UBXN4: variants seen among roughly 807,000 people sequenced by gnomAD.
UBXN4 encodes the protein UBX domain-containing protein 4.
A neutral mutation model predicts 66.2 loss-of-function variants in UBXN4; 35 were observed. That is an observed-to-expected ratio of 0.53 (90% CI 0.40 to 0.70). The LOEUF (loss-of-function observed/expected upper bound fraction) is 0.70. Ranked by LOEUF, UBXN4 falls within the 30% of genes least tolerant of loss-of-function variation. UBXN4 has a pLI of 0.00. For synonymous variants in UBXN4, 203 were observed against 204.5 expected (o/e 0.99, Z 0.06); for missense variants, 533 against 599.8 (o/e 0.89, Z 1.16).
At chr2:135,743,847 C>G (rs2077191943) in intron 1 of UBXN4, among the ~76,000 whole-genome samples, 1 of 128,522 alleles carries the variant, frequency 7.8e-6, no homozygotes, top group Non-Finnish European at 1.9e-5. Flanking sequence ...ATAGGTCTTG[C>G]CTTTCGGGGT....
intron 6 of UBXN4, among the ~76,000 whole-genome samples, chr2:135,768,081 A>G (rs2077358479): frequency 6.6e-6 from 1 of 152,250 alleles, no homozygotes. Context: ...ATTTAAAAAA[A>G]TGAAATATAA....
intron 1 of UBXN4, among the ~76,000 whole-genome samples, chr2:135,744,001 G>T (rs1367748406): frequency 6.6e-6 from 1 of 152,176 alleles, no homozygotes; most frequent in Admixed American, 6.5e-5. Flanking sequence ...CCCTTGACCT[G>T]TTCCAAAATC....
intron 6 of UBXN4, among the ~76,000 whole-genome samples, chr2:135,766,404 T>C (rs565487691): frequency 6.6e-6 from 1 of 152,228 alleles, no homozygotes; most frequent in Non-Finnish European, 1.5e-5. Flanking sequence ...ATTATCTAAT[T>C]TGTCCGTATT....
chr2:135,771,360 C>T (rs1370977849), intron 8 of UBXN4, among the ~76,000 whole-genome samples: 1 of 151,896 alleles, frequency 6.6e-6, no homozygotes, highest in Non-Finnish European at 1.5e-5. Context: ...GCCTATAATC[C>T]TGCTACTTGG....
chr2:135,748,401 T>A, intron 2 of UBXN4, 32 bp downstream of exon 2: 1 of 1,438,622 alleles, frequency 7.0e-7, no homozygotes, highest in Non-Finnish European at 9.3e-7. Flanking sequence ...TTATTAATTT[T>A]AAAATTTATA....
intron 6 of UBXN4, among the ~76,000 whole-genome samples, chr2:135,769,021 C>G (rs2105504118): frequency 6.6e-6 from 1 of 151,970 alleles, no homozygotes; most frequent in South Asian, 2.1e-4. Context: ...TTGTTTATTT[C>G]AGACAGGGTC....
intron 4 of UBXN4, 28 bp from the exon 5 acceptor site, chr2:135,755,489 A>T (rs1253062033): frequency 6.6e-7 from 1 of 1,506,304 alleles, no homozygotes; most frequent in African/African-American, 1.4e-5. Context: ...TTATCTATTA[A>T]TTAAAATCCA....
At chr2:135,743,218 A>C (rs564538446) in intron 1 of UBXN4, among the ~76,000 whole-genome samples, 1 of 152,194 alleles carries the variant, frequency 6.6e-6, no homozygotes, top group African/African-American at 2.4e-5. Context: ...GGAATTTATA[A>C]TTGTTTTGTT....
intron 1 of UBXN4, among the ~76,000 whole-genome samples, chr2:135,743,189 G>A (rs2077188102): frequency 6.6e-6 from 1 of 152,216 alleles, no homozygotes; most frequent in Admixed American, 6.5e-5. Flanking sequence ...AAATGTGAAT[G>A]TCATTTAGCA....
intron 2 of UBXN4, among the ~76,000 whole-genome samples, chr2:135,751,954 G>A (rs2077244876): frequency 6.6e-6 from 1 of 152,088 alleles, no homozygotes; most frequent in South Asian, 2.1e-4. Context: ...CTTCTCTGGA[G>A]GGAACCAAAT....
chr2:135,763,011 G>A (rs2077324572), intron 6 of UBXN4, among the ~76,000 whole-genome samples: 1 of 152,128 alleles, frequency 6.6e-6, no homozygotes, highest in Admixed American at 6.6e-5. Flanking sequence ...GTTTTTAATA[G>A]CCTCCATTCT....
chr2:135,775,931 C>T (rs1286170967), intron 9 of UBXN4, among the ~76,000 whole-genome samples: 1 of 152,142 alleles, frequency 6.6e-6, no homozygotes, highest in Non-Finnish European at 1.5e-5. Flanking sequence ...CCATGCCCAG[C>T]TAATTTTTGT....
chr2:135,772,272 A>G (rs967176403), intron 8 of UBXN4, 148 bp from the exon 9 acceptor site: 5 of 847,426 alleles, frequency 5.9e-6, no homozygotes, highest in African/African-American at 3.5e-5. Flanking sequence ...GCAGTGAGCT[A>G]TGATTGTGCC....
chr2:135,750,946 C>T (rs1444405561), intron 2 of UBXN4, among the ~76,000 whole-genome samples: 1 of 143,458 alleles, frequency 7.0e-6, no homozygotes, highest in Non-Finnish European at 1.5e-5. Context: ...AGCTCCGCCT[C>T]CCGGGTTCAC....
At chr2:135,755,027 G>A (rs796601612) in intron 4 of UBXN4, among the ~76,000 whole-genome samples, 2 of 152,124 alleles carry the variant, frequency 1.3e-5, no homozygotes, top group African/African-American at 4.8e-5. Flanking sequence ...CAAGTGATCT[G>A]CCCGCCTTGA....
intron 1 of UBXN4, 83 bp downstream of exon 1, chr2:135,742,094 C>T (rs1475169375): frequency 1.4e-6 from 2 of 1,481,430 alleles, no homozygotes; most frequent in Admixed American, 2.1e-5. Context: ...GCCGCCGGCC[C>T]GCCCTCCCCG....
At chr2:135,751,324 C>T (rs1201497654) in intron 2 of UBXN4, among the ~76,000 whole-genome samples, 1 of 151,606 alleles carries the variant, frequency 6.6e-6, no homozygotes, top group African/African-American at 2.4e-5. Context: ...GTAGCTGGGA[C>T]TATAGGCGCC....
At chr2:135,782,684 C>A in intron 12 of UBXN4, 65 bp from the exon 13 acceptor site, 1 of 1,569,600 alleles carries the variant, frequency 6.4e-7, no homozygotes, top group Non-Finnish European at 8.6e-7. Flanking sequence ...AAGTTGGAAA[C>A]AGCTTGTATT....
At position 135,754,295 on chromosome 2, in the gene UBXN4, T is replaced by G; in HGVS notation, c.333+18T>G. The G allele has an allele frequency of 5.7e-6, 9 of 1,582,384 alleles. No individual in the cohort carries two copies. Among genetic ancestry groups the G allele is most frequent in the Non-Finnish European group, 6.9e-6 (8 of 1,156,434 alleles). Reference sequence around the variant, plus strand: ...TCCGACAGGTAAGAAGGAACAGAACTGTTGTTTCCGTAAATGGTACGTCAG... The same window carrying G: ...TCCGACAGGTAAGAAGGAACAGAACGGTTGTTTCCGTAAATGGTACGTCAG... On this transcript the variant is annotated intron_variant, in intron 4 of 12. Transcript: ENST00000272638.
Sources: allele counts gnomAD v4.1 joint callset (sites outside exome capture counted in the v4.1 genomes callset), GRCh38; gene constraint gnomAD v4.1.1; transcripts MANE v1.5; gene names NCBI Gene and HGNC (gene_info 2026-07-23, HGNC 2026-07-21).